Variants in MPP2 observed in about 807,000 individuals in gnomAD.
MPP2 encodes the protein MAGUK p55 subfamily member 2.
MPP2 carries 42 observed loss-of-function variants against 58.5 expected under a neutral mutation model. The ratio of observed to expected loss-of-function variants is 0.72; its 90% CI spans 0.56 to 0.93. The LOEUF (loss-of-function observed/expected upper bound fraction) is 0.93, where lower values mean the gene tolerates loss of function less well. MPP2 is among the 40% of genes least tolerant of loss of function. The pLI is 0.00. For synonymous variants in MPP2, 300 were observed against 307.8 expected, an observed-to-expected ratio of 0.97 and a Z score of 0.26; for missense variants, 632 against 760.4, an observed-to-expected ratio of 0.83 and a Z score of 1.99.
chr17:43,898,079 A>C, intron 3 of MPP2, 183 bp downstream of exon 3: 1 of 605,924 alleles, frequency 1.7e-6, no homozygotes, highest in South Asian at 1.9e-5. Flanking sequence ...GTGTGGGGGC[A>C]GCCCCCTCTA....
chr17:43,893,947 C>G (rs2047711073), intron 3 of MPP2, among the ~76,000 whole-genome samples: 2 of 152,078 alleles, frequency 1.3e-5, no homozygotes, highest in African/African-American at 4.8e-5. Flanking sequence ...ACAGAAGCAC[C>G]TTACACTATC....
chr17:43,898,190 G>T (rs1400924969), intron 3 of MPP2, 72 bp downstream of exon 3: 4 of 1,172,678 alleles, frequency 3.4e-6, no homozygotes, highest in Non-Finnish European at 5.1e-6. Context: ...GCCCTCTGTA[G>T]CTAATACCCC....
chr17:43,904,424 T>C lies in MPP2; in HGVS notation c.31+6A>G. Reference sequence around the variant, plus strand: ...AAATAAGCTAACATCCTCACCCCCTTCTTACCAGTTTCAGAGTTGGTGGCG... The same window carrying C: ...AAATAAGCTAACATCCTCACCCCCTCCTTACCAGTTTCAGAGTTGGTGGCG... On this transcript the variant is annotated splice_donor_region_variant and intron_variant, in intron 2 of 12. Coordinates refer to ENST00000269095, the MANE Select transcript of MPP2 (RefSeq NM_005374.5). The C allele has an allele frequency of 6.2e-7, 1 of 1,613,728 alleles. No homozygotes were observed. Among genetic ancestry groups the C allele is most frequent in the South Asian group, 1.1e-5 (1 of 91,040 alleles).
In MPP2 at chr17:43,892,431, T is replaced by C. The variant is rs181616212; in HGVS notation, c.150+5831A>G. ...ATTAAAATTGGTGAGAAGGAGGAAG[T>C]AGGTCCCATTGTCCAATGCAGGGAG... On this transcript the variant is annotated intron_variant, in intron 3 of 12. Transcript: ENST00000269095. Among the ~76,000 whole-genome samples the C allele has an allele frequency of 1.9e-3, 286 of 152,308 alleles. 4 individuals carry two copies. The highest frequency in any genetic ancestry group is 7.9e-4 in the Non-Finnish European group (54 of 68,018).
chr17:43,889,661 G>A (rs35652202), intron 3 of MPP2, among the ~76,000 whole-genome samples: 26,509 of 151,868 alleles, frequency 0.17, 3,100 homozygotes, highest in Non-Finnish European at 0.26. Flanking sequence ...ATGCCCAGCT[G>A]AAAGCACCAT....
At chr17:43,908,512 A>G (rs1001558036), upstream of MPP2, among the ~76,000 whole-genome samples, 1 of 152,244 alleles carries the variant, frequency 6.6e-6, no homozygotes, top group Non-Finnish European at 1.5e-5. Context: ...AGGCGGGAGC[A>G]TCGGTTGAGC....
In MPP2 at chr17:43,877,462, C is replaced by CT. The variant is rs936214845; in HGVS notation, c.*344dup. On this transcript the variant is annotated 3_prime_UTR_variant, in exon 13 of 13. Coordinates refer to ENST00000269095, the MANE Select transcript of MPP2 (RefSeq NM_005374.5). ...GGAGGGGTGGCAGGGGGCAGTGTGC[C>CT]TACTGACCATGTGGTCCCAAAGCAG... is the stretch of plus-strand genomic sequence containing the variant. 1.4e-5 allele frequency: 3 copies of CT among 207,776 alleles called. No individual in the cohort carries two copies. The highest frequency in any genetic ancestry group is 6.8e-5 in the African/African-American group (3 of 44,392). 12.9% of individuals were successfully genotyped at this position (207,776 alleles called of 1,614,324 possible).
At chr17:43,909,512 T>C (rs1230314986), upstream of MPP2, 4 of 1,280,096 alleles carry the variant, frequency 3.1e-6, no homozygotes, top group Non-Finnish European at 4.1e-6. Flanking sequence ...CTACAAGATA[T>C]TAATTACTTC....
At chr17:43,896,541 T>C (rs1268073298) in intron 3 of MPP2, among the ~76,000 whole-genome samples, 3 of 151,828 alleles carry the variant, frequency 2.0e-5, no homozygotes, top group South Asian at 4.2e-4. Flanking sequence ...TCTGCCTCTT[T>C]CCAGCCTGGG....
Position 43,898,303 on chromosome 17 carries a change from G to A in MPP2, c.109C>T (p.Arg37Ter), listed in dbSNP as rs771345504. Residue 37 changes from arginine (R) to a stop codon, truncating the protein, a stop_gained, in exon 3 of 13, where the codon CGA becomes TGA. Coordinates refer to ENST00000269095, the MANE Select transcript of MPP2 (RefSeq NM_005374.5). LOFTEE classifies it high-confidence loss of function. ...ACTATGGGACTTTCCATAATGCCTC[G>A]AAGGAAGATCAGGTCCAGCTCTGCA... Reference protein sequence around the residue: ...GAAELDLIFLRGIMESPIVRS... With the variant: ...GAAELDLIFL The A allele has an allele frequency of 4.3e-6, 7 of 1,614,040 alleles. No homozygotes were observed. Among genetic ancestry groups the A allele is most frequent in the African/African-American group, 1.3e-5 (1 of 74,908 alleles).
At chr17:43,906,778 C>G (rs1597821598) in intron 1 of MPP2, among the ~76,000 whole-genome samples, 1 of 152,216 alleles carries the variant, frequency 6.6e-6, no homozygotes, top group Middle Eastern at 3.4e-3. Flanking sequence ...AGAAGGCTCT[C>G]TACGTGCGCG....
chr17:43,884,274 TTGA>T lies in MPP2; in HGVS notation c.151-922_151-920del, dbSNP rs1471738989. 30 of 597,998 alleles carry T rather than the reference TTGA, an allele frequency of 5.0e-5. No homozygotes were observed. In the Admixed American group the frequency reaches 8.2e-4, roughly 16 times the overall value. 37.0% of individuals were successfully genotyped at this position (597,998 alleles called of 1,614,324 possible). Reference sequence around the variant, plus strand: ...TTATTTTTTCTGATTCAGGATCTAATTGATGATCATATGTTGTAGTTGGTTGAC... The same window carrying T: ...TTATTTTTTCTGATTCAGGATCTAATTGATCATATGTTGTAGTTGGTTGAC... On this transcript the variant is annotated intron_variant, in intron 3 of 12. Transcript: ENST00000269095.
chr17:43,900,074 G>C (rs1382988629), intron 2 of MPP2, among the ~76,000 whole-genome samples: 1 of 152,148 alleles, frequency 6.6e-6, no homozygotes, highest in Non-Finnish European at 1.5e-5. Context: ...ACTGGAACTG[G>C]AGCTGGCAGA....
At chr17:43,882,546 A>C in intron 5 of MPP2, 35 bp from the exon 6 acceptor site, 1 of 1,587,740 alleles carries the variant, frequency 6.3e-7, no homozygotes, top group Non-Finnish European at 8.5e-7. Flanking sequence ...TGAGGCCCCA[A>C]TTGCTCCAAG....
At chr17:43,906,254 T>G in intron 1 of MPP2, 4 of 483,620 alleles carry the variant, frequency 8.3e-6, no homozygotes, top group Non-Finnish European at 1.1e-5. Context: ...GGGAATCGGT[T>G]CCCAGAGCAT....
rs199520769 is a variant in MPP2 at position 43,898,395 on chromosome 17, G to A, written c.32-15C>T. On this transcript the variant is annotated splice_polypyrimidine_tract_variant and intron_variant, in intron 2 of 12. Coordinates refer to ENST00000269095, the MANE Select transcript of MPP2 (RefSeq NM_005374.5). ...TTGCTGCATGGCTGGGGGAAGGTAC[G>A]GGCAGTGAGATACACAGGTACCAGC... is the stretch of plus-strand genomic sequence containing the variant. 5.5e-5 allele frequency: 88 copies of A among 1,590,524 alleles called. No homozygotes were observed. Among genetic ancestry groups the A allele is most frequent in the Non-Finnish European group, 6.6e-5 (76 of 1,158,892 alleles).
upstream of MPP2, chr17:43,907,669 T>A: frequency 2.0e-6 from 2 of 985,642 alleles, no homozygotes; most frequent in Non-Finnish European, 2.4e-6. Flanking sequence ...TCCCAGCAGC[T>A]GGTACGGGGG....
chr17:43,884,273 A>G, intron 3 of MPP2: 1 of 596,182 alleles, frequency 1.7e-6, no homozygotes, highest in Non-Finnish European at 3.0e-6. Flanking sequence ...TCAGGATCTA[A>G]TTGATGATCA....
rs957181281 is a variant in MPP2 at position 43,907,401 on chromosome 17, AGTGCC to A, written c.-34+68_-34+72del. 1.5e-5 allele frequency: 15 copies of A among 985,498 alleles called. No individual in the cohort carries two copies. In the African/African-American group the frequency reaches 2.6e-4, roughly 17 times the overall value. 61.0% of individuals were successfully genotyped at this position (985,498 alleles called of 1,614,324 possible). ...TTTAAACCCAGTGAATAGGGTCCTA[AGTGCC>A]GTGTCAGGACGAAAAGAAGGCGGAG... On this transcript the variant is annotated intron_variant, in intron 1 of 12. Coordinates refer to ENST00000269095, the MANE Select transcript of MPP2 (RefSeq NM_005374.5).
Sources: allele counts gnomAD v4.1 joint callset (sites outside exome capture counted in the v4.1 genomes callset), GRCh38; gene constraint gnomAD v4.1.1; transcripts MANE v1.5; gene names NCBI Gene and HGNC (gene_info 2026-07-23, HGNC 2026-07-21).